Variants in YAP1 observed in about 807,000 individuals in gnomAD.
YAP1 encodes transcriptional coactivator YAP1.
In YAP1, 5 loss-of-function variants were observed where a neutral mutation model predicts 56.9. The observed-to-expected ratio is 0.09, with a 90% CI of 0.05 to 0.18. YAP1 has a LOEUF of 0.18. Among genes scored for constraint, YAP1 ranks in the 10% least tolerant of loss-of-function variants. The pLI, the probability that YAP1 is intolerant of heterozygous loss-of-function variation, is 1.00. For missense variants in YAP1, 539 were observed against 651.8 expected, an observed-to-expected ratio of 0.83 and a Z score of 1.88; for synonymous variants, 265 against 248.1, an observed-to-expected ratio of 1.07 and a Z score of -0.64.
chr11:102,170,300 A>G (rs1010945139), intron 3 of YAP1, among the ~76,000 whole-genome samples: 1 of 152,156 alleles, frequency 6.6e-6, no homozygotes, highest in African/African-American at 2.4e-5. Context: ...TGGGTATATA[A>G]TTACTTTGTT....
At chr11:102,209,664 A>G in intron 6 of YAP1, 100 bp downstream of exon 6, 7 of 1,080,336 alleles carry the variant, frequency 6.5e-6, no homozygotes, top group Non-Finnish European at 7.7e-6. Flanking sequence ...CTTATTGGAC[A>G]TTAGCCCAGA....
intron 6 of YAP1, among the ~76,000 whole-genome samples, chr11:102,221,893 A>C (rs910752678): frequency 4.6e-5 from 7 of 152,200 alleles, no homozygotes; most frequent in Non-Finnish European, 1.0e-4. Flanking sequence ...GTGAATACTA[A>C]TGGTGCATAC....
chr11:102,183,977 G>A lies in YAP1; in HGVS notation c.689-2041G>A, dbSNP rs547650041. 2.9e-3 allele frequency among the ~76,000 whole-genome samples: 438 copies of A among 150,392 alleles called. 5 individuals are homozygous for A. Among genetic ancestry groups the A allele is most frequent in the African/African-American group, 9.8e-3 (403 of 41,050 alleles). ...CTGTAGTCCCAGCTACTTGGGAGGC[G>A]GAGGCAGGAGAATGGCGTGAACCCG... On this transcript the variant is annotated intron_variant, in intron 3 of 8. Transcript: ENST00000282441.
At chr11:102,192,093 CTAGTT>C (rs1174149298) in intron 4 of YAP1, among the ~76,000 whole-genome samples, 6 of 152,192 alleles carry the variant, frequency 3.9e-5, no homozygotes, top group Admixed American at 6.5e-5. Flanking sequence ...TTTCCCTTTA[CTAGTT>C]TACTTCATTA....
At chr11:102,222,429 A>G (rs1949978870) in intron 6 of YAP1, among the ~76,000 whole-genome samples, 1 of 152,204 alleles carries the variant, frequency 6.6e-6, no homozygotes, top group Non-Finnish European at 1.5e-5. Flanking sequence ...AGTAGTAATG[A>G]GTGTGCTACG....
intron 1 of YAP1, among the ~76,000 whole-genome samples, 167 bp from the exon 2 acceptor site, chr11:102,113,973 TATTA>T (rs1252067463): frequency 6.6e-6 from 1 of 152,074 alleles, no homozygotes; most frequent in Non-Finnish European, 1.5e-5. Flanking sequence ...AATTATATAA[TATTA>T]AAAGTATCCA....
At chr11:102,163,636 A>G (rs1161528233) in intron 3 of YAP1, among the ~76,000 whole-genome samples, 1 of 152,128 alleles carries the variant, frequency 6.6e-6, no homozygotes, top group Non-Finnish European at 1.5e-5. Context: ...CCGCCCATGC[A>G]TTTTCCCTAG....
intron 2 of YAP1, among the ~76,000 whole-genome samples, chr11:102,130,826 TTA>T (rs528788212): frequency 2.8e-4 from 43 of 150,956 alleles, no homozygotes; most frequent in African/African-American, 8.5e-4. Context: ...CTGATACAGG[TTA>T]TGTTTCCAAA....
At chr11:102,158,259 C>A (rs1163200977) in intron 2 of YAP1, among the ~76,000 whole-genome samples, 1 of 152,166 alleles carries the variant, frequency 6.6e-6, no homozygotes, top group African/African-American at 2.4e-5. Context: ...GATACTAGTT[C>A]TAGATTTTAA....
intron 2 of YAP1, among the ~76,000 whole-genome samples, chr11:102,130,766 A>G (rs1168421840): frequency 6.8e-6 from 1 of 146,508 alleles, no homozygotes; most frequent in Non-Finnish European, 1.5e-5. Flanking sequence ...AAACTGGTAA[A>G]GAGTTGTCCA....
intron 2 of YAP1, among the ~76,000 whole-genome samples, chr11:102,130,403 G>A (rs1234059109): frequency 6.6e-6 from 1 of 151,984 alleles, no homozygotes; most frequent in African/African-American, 2.4e-5. Flanking sequence ...GATAATGATT[G>A]ATTGATTGAT....
rs1942822215 is a variant in YAP1, at chr11:102,110,579, A to T, written c.-270A>T. The T allele has an allele frequency of 1.4e-5, 3 of 212,722 alleles. No homozygotes were observed. The allele number at this position is 212,722 out of a possible 1,614,324, so 13.2% of individuals were successfully genotyped here. ...CTCCGTCAAGGGAGTTGGAGGGAAA[A>T]AGTTCTCAGGCGCCGCAGGTCCGAG... On this transcript the variant is annotated 5_prime_UTR_variant, in exon 1 of 9. Coordinates refer to ENST00000282441, the MANE Select transcript of YAP1 (RefSeq NM_001130145.3).
At chr11:102,206,444 A>G (rs1186788539) in intron 5 of YAP1, among the ~76,000 whole-genome samples, 19 of 152,230 alleles carry the variant, frequency 1.2e-4, no homozygotes, top group Admixed American at 1.2e-3. Context: ...AGGAGAAAAC[A>G]TCCTTTATTA....
intron 3 of YAP1, among the ~76,000 whole-genome samples, chr11:102,165,955 A>G (rs185696778): frequency 1.3e-5 from 2 of 152,300 alleles, no homozygotes; most frequent in Admixed American, 1.3e-4. Context: ...GCCTTGTTTC[A>G]AATAAAATAC....
chr11:102,122,895 C>CAAAAAAAAAACAAAAAAAAAAACA (rs1943759450), intron 2 of YAP1, among the ~76,000 whole-genome samples: 2 of 79,458 alleles, frequency 2.5e-5, no homozygotes, highest in East Asian at 7.9e-4. Context: ...AGACTTCTCT[C>CAAAAAAAAAACAAAAAAAAAAACA]AAAAAAAAAA....
At chr11:102,195,942 C>T (rs930837867) in intron 4 of YAP1, among the ~76,000 whole-genome samples, 1 of 152,128 alleles carries the variant, frequency 6.6e-6, no homozygotes, top group African/African-American at 2.4e-5. Flanking sequence ...GGTGAACTGT[C>T]CCCACATATT....
intron 3 of YAP1, among the ~76,000 whole-genome samples, chr11:102,165,816 C>G (rs1467265399): frequency 6.6e-6 from 1 of 152,140 alleles, no homozygotes; most frequent in Non-Finnish European, 1.5e-5. Flanking sequence ...TCCGATAAAG[C>G]AGAAGCGACA....
intron 4 of YAP1, among the ~76,000 whole-genome samples, chr11:102,194,408 T>C (rs1209845319): frequency 6.6e-6 from 1 of 152,242 alleles, no homozygotes; most frequent in Non-Finnish European, 1.5e-5. Flanking sequence ...GAACTCATTC[T>C]GGACTTGCTT....
chr11:102,209,186 T>G (rs1326245923), intron 5 of YAP1, among the ~76,000 whole-genome samples: 3 of 152,222 alleles, frequency 2.0e-5, no homozygotes, highest in Non-Finnish European at 4.4e-5. Context: ...CCTTGACAGT[T>G]TATCTTAGCA....
Sources: allele counts gnomAD v4.1 joint callset (sites outside exome capture counted in the v4.1 genomes callset), GRCh38; gene constraint gnomAD v4.1.1; transcripts MANE v1.5; gene names NCBI Gene and HGNC (gene_info 2026-07-23, HGNC 2026-07-21).